Variants in PRICKLE3 observed in about 807,000 individuals in gnomAD.
PRICKLE3 encodes the protein LIM domain only protein 6.
PRICKLE3 carries 17 observed loss-of-function variants against 33.8 expected under a neutral mutation model. The observed-to-expected ratio is 0.50, with a 90% CI of 0.34 to 0.75. The LOEUF is 0.75. PRICKLE3 is among the 30% of genes least tolerant of loss of function. The pLI, the probability that PRICKLE3 is intolerant of heterozygous loss-of-function variation, is 0.01. For missense variants in PRICKLE3, 573 were observed against 576.7 expected (o/e 0.99, Z 0.07); for synonymous variants, 211 against 219.6 (o/e 0.96, Z 0.34).
chrX:49,176,938 G>C lies in PRICKLE3; in HGVS notation c.1220C>G (p.Thr407Ser), dbSNP rs782440731. Residue 407 changes from threonine (T) to serine (S), a missense_variant, in exon 8 of 9, where the codon ACC becomes AGC. Coordinates refer to ENST00000599218, the MANE Select transcript of PRICKLE3 (RefSeq NM_006150.5). ...SFSAVKGASE[T>S]TTKGTSTELA... ...CTCTGTGCTGGTGCCTTTGGTGGTG[G>C]TCTCTGATGCCCCCTTCACAGCAGA... 2.5e-6 allele frequency: 3 copies of C among 1,203,009 alleles called. No homozygotes were observed. The highest frequency in any genetic ancestry group is 3.4e-6 in the Non-Finnish European group (3 of 892,065).
Position 49,179,687 on chromosome X carries a change from C to T in PRICKLE3, c.426+6G>A. The T allele has an allele frequency of 8.6e-7, 1 of 1,156,272 alleles. No individual in the cohort carries two copies. The highest frequency in any genetic ancestry group is 1.2e-6 in the Non-Finnish European group (1 of 855,487). On this transcript the variant is annotated splice_donor_region_variant and intron_variant, in intron 4 of 8. Transcript: ENST00000599218. Reference sequence around the variant, plus strand: ...GGCATGCCCTTCCTGTCTTCTCTCTCCTCACCTCACTGTCGTGTGGGGGCA... The same window carrying T: ...GGCATGCCCTTCCTGTCTTCTCTCTTCTCACCTCACTGTCGTGTGGGGGCA...
At chrX:49,177,875 A>T in intron 7 of PRICKLE3, 118 bp downstream of exon 7, 1 of 859,953 alleles carries the variant, frequency 1.2e-6, no homozygotes, top group Non-Finnish European at 1.6e-6. Flanking sequence ...TTGGGGCTGG[A>T]CAAAGTACAG....
chrX:49,177,263 C>G (rs782111615), intron 7 of PRICKLE3, 61 bp from the exon 8 acceptor site: 4 of 1,032,497 alleles, frequency 3.9e-6, no homozygotes, highest in Admixed American at 7.6e-5. Context: ...CCCCACCCCT[C>G]GTGAACGAGT....
chrX:49,185,841 C>T (rs1557101798), intron 1 of PRICKLE3, among the ~76,000 whole-genome samples: 1 of 97,906 alleles, frequency 1.0e-5, no homozygotes, highest in African/African-American at 3.9e-5. Context: ...GCGGAGGTTG[C>T]AGTGAGCGGA....
Position 49,176,893 on chromosome X carries a change from G to A in PRICKLE3, c.1255+10C>T, listed in dbSNP as rs1408460802. 8 of 1,185,563 alleles carry A rather than the reference G, an allele frequency of 6.7e-6. No homozygotes were observed. The highest frequency in any genetic ancestry group is 7.9e-6 in the Non-Finnish European group (7 of 883,281). On this transcript the variant is annotated intron_variant, in intron 8 of 8. Transcript: ENST00000599218. ...GGCTGTGGCTGGGTGTGGCTAGAGG[G>A]TTAGCTCACCTGGCGCTAACTCTGT...
At chrX:49,179,194 CT>C in intron 5 of PRICKLE3, 56 bp downstream of exon 5, 9 of 1,173,629 alleles carry the variant, frequency 7.7e-6, no homozygotes, top group Non-Finnish European at 5.7e-6. Flanking sequence ...ATGTGTCCTG[CT>C]CCCCAGGGCT....
Position 49,175,650 on chromosome X carries a change from G to GC in PRICKLE3, c.*22dup. On this transcript the variant is annotated 3_prime_UTR_variant, in exon 9 of 9. Coordinates refer to ENST00000599218, the MANE Select transcript of PRICKLE3 (RefSeq NM_006150.5). ...TCATCTACTCTGACTGGAGAATGGAGCCCCCTCCAGGACGGCCTGCCTTCA... is the reference window on the plus strand; with the variant it reads ...TCATCTACTCTGACTGGAGAATGGAGCCCCCCTCCAGGACGGCCTGCCTTCA... The GC allele has an allele frequency of 1.7e-6, 2 of 1,174,601 alleles. No homozygotes were observed. The highest frequency in any genetic ancestry group is 2.3e-6 in the Non-Finnish European group (2 of 867,239).
Position 49,179,228 on chromosome X carries a change from C to T in PRICKLE3, c.564+23G>A, listed in dbSNP as rs782680331. Reference sequence around the variant, plus strand: ...GCTTGGAGCAGAGGCACTGCTCACTCGCTGAGGCCCTCCACGGCTCACCTC... The same window carrying T: ...GCTTGGAGCAGAGGCACTGCTCACTTGCTGAGGCCCTCCACGGCTCACCTC... On this transcript the variant is annotated intron_variant, in intron 5 of 8. Coordinates refer to ENST00000599218, the MANE Select transcript of PRICKLE3 (RefSeq NM_006150.5). 1.4e-5 allele frequency: 17 copies of T among 1,204,255 alleles called. No individual in the cohort carries two copies. The East Asian group carries it at 1.8e-4, about 13-fold the overall frequency.
chrX:49,175,887 C>T lies in PRICKLE3; in HGVS notation c.1634G>A (p.Cys545Tyr). 8.3e-7 allele frequency: 1 copy of T among 1,211,817 alleles called. No individual in the cohort carries two copies. The highest frequency in any genetic ancestry group is 1.8e-5 in the South Asian group (1 of 57,039). The change falls in exon 9 of 9, where the codon TGC becomes TAC. Residue 545 changes from cysteine (C) to tyrosine (Y), a missense_variant. Transcript: ENST00000599218. ...DAGSGSDSESCSSSPSSSSSE... is the reference protein window; with the variant it reads ...DAGSGSDSESYSSSPSSSSSE... ...ACTGGAACTGGAGGGCGAGCTGGAG[C>T]AAGATTCCGAGTCTGACCCTGATCC...
At chrX:49,183,531 C>T in intron 3 of PRICKLE3, 1 of 848,979 alleles carries the variant, frequency 1.2e-6, no homozygotes, top group Non-Finnish European at 1.6e-6. Context: ...GGTGAACAGG[C>T]CCTGAGGAAC....
chrX:49,184,934 A>G (rs1557101710), intron 1 of PRICKLE3: 2 of 1,081,200 alleles, frequency 1.8e-6, no homozygotes, highest in East Asian at 7.1e-5. Context: ...TCCCCTTTTC[A>G]GGGAATTCCC....
Position 49,178,062 on chromosome X carries a change from G to A in PRICKLE3, c.886C>T (p.Arg296Cys), listed in dbSNP as rs1557100406. 1.7e-6 allele frequency: 2 copies of A among 1,165,229 alleles called. No homozygotes were observed. The highest frequency in any genetic ancestry group is 2.4e-4 in the Middle Eastern group (1 of 4,127). ...TCGTAGCAGGCGCAGCAGTGGGGGCGGCTCTGACGCATGACATAGCGCTGC... is the reference window on the plus strand; with the variant it reads ...TCGTAGCAGGCGCAGCAGTGGGGGCAGCTCTGACGCATGACATAGCGCTGC... Reference protein sequence around the residue: ...GGQRYVMRQSRPHCCACYEAR... With the variant: ...GGQRYVMRQSCPHCCACYEAR... Residue 296 changes from arginine (R) to cysteine (C), a missense_variant, in exon 7 of 9, where the codon CGC becomes TGC. By Grantham distance (180) the Arg-to-Cys change is radical. Coordinates refer to ENST00000599218, the MANE Select transcript of PRICKLE3 (RefSeq NM_006150.5).
intron 1 of PRICKLE3, 47 bp from the exon 2 acceptor site, chrX:49,184,757 A>C: frequency 8.6e-7 from 1 of 1,161,208 alleles, no homozygotes; most frequent in South Asian, 1.9e-5. Context: ...GCGCGGAAGC[A>C]GGGAAGGAGA....
rs782361784 is a variant in PRICKLE3 at position 49,176,191 on chromosome X, G to A, written c.1330C>T (p.Arg444Cys). The A allele has an allele frequency of 5.9e-6, 7 of 1,176,795 alleles. No individual in the cohort carries two copies. In the Admixed American group the frequency reaches 1.2e-4, roughly 20 times the overall value. The change falls in exon 9 of 9, where the codon CGC (arginine) becomes TGC (cysteine). Residue 444 changes from arginine (R) to cysteine (C), a missense_variant. By Grantham distance (180) the Arg-to-Cys change is radical (BLOSUM62 -3). Coordinates refer to ENST00000599218, the MANE Select transcript of PRICKLE3 (RefSeq NM_006150.5). ...TCTGGGGGCGGCTCGGGGACACTGC[G>A]GAGCCCCAGTTCCGGCATGGAGTGG... is the stretch of plus-strand genomic sequence containing the variant. ...HRHSMPELGL[R>C]SVPEPPPESP...
In PRICKLE3 at chrX:49,175,652, C is replaced by G. The variant is rs367931807; in HGVS notation, c.*21G>C. Reference sequence around the variant, plus strand: ...ATCTACTCTGACTGGAGAATGGAGCCCCCTCCAGGACGGCCTGCCTTCAAG... The same window carrying G: ...ATCTACTCTGACTGGAGAATGGAGCGCCCTCCAGGACGGCCTGCCTTCAAG... On this transcript the variant is annotated 3_prime_UTR_variant, in exon 9 of 9. Transcript: ENST00000599218. 603 of 1,179,510 alleles carry G rather than the reference C, an allele frequency of 5.1e-4. 4 individuals carry two copies. In the African/African-American group the frequency reaches 8.4e-3, roughly 16 times the overall value.
In PRICKLE3 at chrX:49,175,986, C is replaced by G; in HGVS notation, c.1535G>C (p.Arg512Pro). The G allele has an allele frequency of 8.3e-7, 1 of 1,210,523 alleles. No individual in the cohort carries two copies. The highest frequency in any genetic ancestry group is 1.1e-6 in the Non-Finnish European group (1 of 895,267). The change falls in exon 9 of 9, where the codon CGC becomes CCC. Residue 512 changes from arginine (R) to proline (P), a missense_variant. Coordinates refer to ENST00000599218, the MANE Select transcript of PRICKLE3 (RefSeq NM_006150.5). ...SPPPRAPSRRRHHHHNHHHHH... is the reference protein window; with the variant it reads ...SPPPRAPSRRPHHHHNHHHHH... ...GTGATGGTGATTATGATGATGGTGG[C>G]GGCGACGGCTGGGGGCCCTGGGTGG... is the stretch of plus-strand genomic sequence containing the variant.
intron 1 of PRICKLE3, among the ~76,000 whole-genome samples, chrX:49,185,343 G>A (rs2065477876): frequency 9.0e-6 from 1 of 111,452 alleles, no homozygotes; most frequent in Non-Finnish European, 1.9e-5. Flanking sequence ...AGAAACCTTG[G>A]CCTTTACCCA....
In PRICKLE3 at chrX:49,186,304, C is replaced by G; in HGVS notation, c.-7G>C. 8.7e-7 allele frequency: 1 copy of G among 1,144,649 alleles called. No individual in the cohort carries two copies. Among genetic ancestry groups the G allele is most frequent in the South Asian group, 2.0e-5 (1 of 51,097 alleles). 94.3% of individuals were successfully genotyped at this position (1,144,649 alleles called of 1,213,427 possible). On this transcript the variant is annotated 5_prime_UTR_variant, in exon 1 of 9. Transcript: ENST00000599218. ...GGGACCCACGCGCGAACATGGCGCG[C>G]CCGGGCAGGGTCAAGCCGGGCCGGG...
chrX:49,180,212 A>G (rs782787728), intron 3 of PRICKLE3, among the ~76,000 whole-genome samples: 2 of 108,855 alleles, frequency 1.8e-5, no homozygotes, highest in Non-Finnish European at 3.8e-5. Flanking sequence ...TTTTATTTTT[A>G]GTAGAGACAG....
Sources: gnomAD v4.1 joint callset for allele counts (sites outside exome capture counted in the v4.1 genomes callset) on GRCh38, gnomAD v4.1.1 for gene constraint, MANE v1.5 for transcripts, NCBI Gene and HGNC (gene_info 2026-07-23, HGNC 2026-07-21) for gene names.